Variants in PCDH7 observed in about 807,000 individuals in gnomAD.
PCDH7 encodes protocadherin-7.
Under a neutral mutation model 58.9 loss-of-function variants are expected in PCDH7, and 17 were observed. The ratio of observed to expected loss-of-function variants is 0.29; its 90% CI spans 0.20 to 0.43. The LOEUF (loss-of-function observed/expected upper bound fraction) is 0.43, where lower values mean the gene tolerates loss of function less well. Among genes scored for constraint, PCDH7 ranks in the 20% least tolerant of loss-of-function variants. The pLI, the probability that PCDH7 is intolerant of heterozygous loss-of-function variation, is 1.00. For synonymous variants in PCDH7, 664 were observed against 616.4 expected, an observed-to-expected ratio of 1.08 and a Z score of -1.14; for missense variants, 1,274 against 1,441.0, an observed-to-expected ratio of 0.88 and a Z score of 1.88.
intron 1 of PCDH7, among the ~76,000 whole-genome samples, chr4:30,918,077 C>A (rs1358941952): frequency 2.6e-5 from 4 of 152,136 alleles, no homozygotes; most frequent in Non-Finnish European, 5.9e-5. Flanking sequence ...GAATTAAGAA[C>A]AGCAGTTGAC....
At chr4:30,886,811 A>T (rs1167045064) in intron 1 of PCDH7, among the ~76,000 whole-genome samples, 3 of 150,874 alleles carry the variant, frequency 2.0e-5, no homozygotes, top group African/African-American at 4.9e-5. Context: ...TGATGAGTTC[A>T]TGTCCTTTGC....
At chr4:30,889,137 C>CAAAAAAAAAAAAAAAAAAAAAAAA (rs371917620) in intron 1 of PCDH7, among the ~76,000 whole-genome samples, 10 of 49,994 alleles carry the variant, frequency 2.0e-4, no homozygotes, top group South Asian at 7.4e-4. Flanking sequence ...GCAGATATCT[C>CAAAAAAAAAAAAAAAAAAAAAAAA]AAAAAAAAAA....
chr4:31,034,591 A>C (rs1755228383), intron 3 of PCDH7, among the ~76,000 whole-genome samples: 1 of 152,160 alleles, frequency 6.6e-6, no homozygotes. Context: ...TTGCTACTTT[A>C]ATATTATCTA....
chr4:30,903,939 T>A (rs958081522), intron 1 of PCDH7, among the ~76,000 whole-genome samples: 1 of 152,206 alleles, frequency 6.6e-6, no homozygotes, highest in South Asian at 2.1e-4. Context: ...CTAACATTTT[T>A]AAACACAAAA....
intron 3 of PCDH7, among the ~76,000 whole-genome samples, chr4:31,082,617 C>T (rs1355534644): frequency 6.6e-6 from 1 of 152,196 alleles, no homozygotes; most frequent in African/African-American, 2.4e-5. Context: ...GAAATAATGT[C>T]TTCTGCAGCA....
intron 1 of PCDH7, among the ~76,000 whole-genome samples, chr4:30,847,860 C>T (rs1342301001): frequency 1.3e-5 from 2 of 152,102 alleles, no homozygotes; most frequent in Admixed American, 1.3e-4. Flanking sequence ...ATTGGTACTA[C>T]TGTTGAATCT....
intron 3 of PCDH7, among the ~76,000 whole-genome samples, chr4:30,995,467 G>A (rs752492162): frequency 2.0e-5 from 3 of 151,808 alleles, no homozygotes; most frequent in Admixed American, 1.3e-4. Flanking sequence ...AGTCGAGATC[G>A]TGCCACTGCA....
intron 3 of PCDH7, among the ~76,000 whole-genome samples, chr4:31,056,293 A>C (rs910701568): frequency 6.6e-6 from 1 of 151,682 alleles, no homozygotes; most frequent in Admixed American, 6.6e-5. Context: ...ATTTGAGCCG[A>C]GGAGGTCGAA....
chr4:31,084,867 A>G (rs1175858093), intron 3 of PCDH7, among the ~76,000 whole-genome samples: 1 of 151,764 alleles, frequency 6.6e-6, no homozygotes, highest in Non-Finnish European at 1.5e-5. Flanking sequence ...GCAAGAACTC[A>G]CTCATCACCA....
chr4:30,879,105 A>G (rs192517517), intron 1 of PCDH7, among the ~76,000 whole-genome samples: 2 of 142,144 alleles, frequency 1.4e-5, no homozygotes, highest in East Asian at 3.9e-4. Context: ...AGGGAGATGG[A>G]GGTTTCTCTG....
chr4:31,009,069 C>T (rs1283619203), intron 3 of PCDH7, among the ~76,000 whole-genome samples: 1 of 152,048 alleles, frequency 6.6e-6, no homozygotes, highest in Non-Finnish European at 1.5e-5. Context: ...ATTATTGACA[C>T]ATAAGTGAAA....
At chr4:31,064,670 C>T (rs1757940062) in intron 3 of PCDH7, among the ~76,000 whole-genome samples, 1 of 151,884 alleles carries the variant, frequency 6.6e-6, no homozygotes, top group African/African-American at 2.4e-5. Context: ...GATGTTCACC[C>T]TGTGTTTCTG....
In PCDH7 at chr4:31,046,882, A is replaced by G. The variant is rs190258321; in HGVS notation, c.*8-95591A>G. Among the ~76,000 whole-genome samples, 878 of 152,182 alleles carry G rather than the reference A, an allele frequency of 5.8e-3. 6 individuals are homozygous for G. The highest frequency in any genetic ancestry group is 8.4e-3 in the Non-Finnish European group (574 of 67,958). ...TTTCAGTTTGCACAGAAATAGCTGTATATACATTATAAATCCAACATAAGC... is the reference window on the plus strand; with the variant it reads ...TTTCAGTTTGCACAGAAATAGCTGTGTATACATTATAAATCCAACATAAGC... On this transcript the variant is annotated intron_variant, in intron 3 of 3. Coordinates refer to the PCDH7 transcript ENST00000509759.
intron 1 of PCDH7, among the ~76,000 whole-genome samples, chr4:30,831,584 A>T (rs1729786012): frequency 6.6e-6 from 1 of 152,126 alleles, no homozygotes; most frequent in Non-Finnish European, 1.5e-5. Context: ...TTCTTAGCGG[A>T]TTAATACAAA....
chr4:31,139,943 G>A (rs761579848), intron 3 of PCDH7, among the ~76,000 whole-genome samples: 2 of 152,150 alleles, frequency 1.3e-5, no homozygotes, highest in Non-Finnish European at 2.9e-5. Context: ...TAGAGATGTG[G>A]CAGCTTGCAT....
chr4:31,012,046 A>C (rs1041885431), intron 3 of PCDH7, among the ~76,000 whole-genome samples: 1 of 152,100 alleles, frequency 6.6e-6, no homozygotes, highest in African/African-American at 2.4e-5. Flanking sequence ...TTTAGTCAGC[A>C]CCAAATCTTC....
chr4:30,951,896 T>G (rs1487687054), intron 3 of PCDH7, among the ~76,000 whole-genome samples: 1 of 152,138 alleles, frequency 6.6e-6, no homozygotes, highest in Non-Finnish European at 1.5e-5. Context: ...AGGGCAATGA[T>G]TCCACCTTAT....
At chr4:31,040,428 G>A (rs770706761) in intron 3 of PCDH7, among the ~76,000 whole-genome samples, 4 of 152,132 alleles carry the variant, frequency 2.6e-5, no homozygotes, top group Non-Finnish European at 5.9e-5. Context: ...AAAGGGAAAG[G>A]ATGTTCTTAA....
intron 2 of PCDH7, among the ~76,000 whole-genome samples, chr4:30,922,114 G>A (rs189590144): frequency 4.0e-5 from 6 of 151,442 alleles, no homozygotes; most frequent in Admixed American, 2.0e-4. Context: ...TATGTGTAAC[G>A]TGTAATTACG....
Sources: allele counts gnomAD v4.1 joint callset (sites outside exome capture counted in the v4.1 genomes callset), GRCh38; gene constraint gnomAD v4.1.1; transcripts MANE v1.5; gene names NCBI Gene and HGNC (gene_info 2026-07-23, HGNC 2026-07-21).